The following GAGE1 variants were observed in gnomAD, a reference collection of about 807,000 sequenced individuals.
GAGE1 encodes G antigen 1, also known as G antigen 4.
Under a neutral mutation model 5.0 loss-of-function variants are expected in GAGE1, and 5 were observed. The ratio of observed to expected loss-of-function variants is 1.00; its 90% CI spans 0.52 to 2.11. GAGE1 has a LOEUF of 2.11. Among genes scored for constraint, GAGE1 ranks in the 30% most tolerant of loss-of-function variants. The probability of loss-of-function intolerance (pLI) is 0.01; values close to 1 mark genes in which losing one functional copy is unlikely to be tolerated. For synonymous variants in GAGE1, 6 were observed against 14.8 expected (o/e 0.40, Z 1.37); for missense variants, 9 against 38.9 (o/e 0.23, Z 2.04).
At chrX:49,605,232 C>G (rs1273145668) in intron 4 of GAGE1, 2 of 691,009 alleles carry the variant, frequency 2.9e-6, no homozygotes, top group African/African-American at 2.1e-5. Context: ...GCCACTATTT[C>G]TAATAAGACT....
chrX:49,604,195 C>T (rs1192740842), intron 4 of GAGE1, among the ~76,000 whole-genome samples: 1 of 112,531 alleles, frequency 8.9e-6, no homozygotes, highest in African/African-American at 3.2e-5. Context: ...AATACTGCCT[C>T]TTTAGTAAAG....
chrX:49,602,172 T>C (rs3059709), intron 3 of GAGE1, among the ~76,000 whole-genome samples: 20 of 112,045 alleles, frequency 1.8e-4, no homozygotes, highest in African/African-American at 5.5e-4. Flanking sequence ...GATAAATAAA[T>C]ACATAAATAA....
Position 49,606,920 on chromosome X carries a change from T to C in GAGE1, c.*905T>C, listed in dbSNP as rs2066662693. The C allele has an allele frequency of 8.9e-6, 1 of 111,762 alleles. No individual in the cohort carries two copies. The highest frequency in any genetic ancestry group is 9.5e-5 in the Admixed American group (1 of 10,483). The allele number at this position is 111,762 out of a possible 1,213,427, so 9.2% of individuals were successfully genotyped here. ...ATCATCTATTGTGATTACCACAGGGTTTTTTCCCCCAGTAATCTGTTTATG... is the reference window on the plus strand; with the variant it reads ...ATCATCTATTGTGATTACCACAGGGCTTTTTCCCCCAGTAATCTGTTTATG... On this transcript the variant is annotated 3_prime_UTR_variant, in exon 5 of 5. Transcript: ENST00000381700.
intron 4 of GAGE1, among the ~76,000 whole-genome samples, chrX:49,604,179 G>A (rs1312956476): frequency 8.9e-6 from 1 of 112,667 alleles, no homozygotes; most frequent in East Asian, 2.8e-4. Context: ...GTAAGAGAGA[G>A]TTAACAATAC....
intron 4 of GAGE1, among the ~76,000 whole-genome samples, chrX:49,604,557 A>G (rs1219812043): frequency 9.8e-5 from 11 of 111,881 alleles, no homozygotes; most frequent in African/African-American, 3.3e-4. Flanking sequence ...TTTTAAAACC[A>G]TTTTCCATTC....
chrX:49,606,755 C>A lies in GAGE1; in HGVS notation c.*740C>A, dbSNP rs2066661930. ...TATGTTGAATTTCATCAAACACTGA[C>A]CTGAGTCATCTTAAAACATGTGAAT... is the stretch of plus-strand genomic sequence containing the variant. On this transcript the variant is annotated 3_prime_UTR_variant, in exon 5 of 5. Coordinates refer to ENST00000381700, the MANE Select transcript of GAGE1 (RefSeq NM_001040663.4). The A allele has an allele frequency of 8.9e-6, 1 of 111,871 alleles. No homozygotes were observed. The highest frequency in any genetic ancestry group is 1.9e-5 in the Non-Finnish European group (1 of 53,235). The allele number at this position is 111,871 out of a possible 1,213,427, so 9.2% of individuals were successfully genotyped here.
At chrX:49,604,336 G>T (rs1472882770) in intron 4 of GAGE1, among the ~76,000 whole-genome samples, 2 of 112,390 alleles carry the variant, frequency 1.8e-5, no homozygotes, top group Non-Finnish European at 3.8e-5. Flanking sequence ...CCTCAAACCA[G>T]TAGCTCATAA....
chrX:49,605,707 T>C (rs2066653514), intron 4 of GAGE1, among the ~76,000 whole-genome samples: 1 of 110,844 alleles, frequency 9.0e-6, no homozygotes, highest in South Asian at 3.8e-4. Flanking sequence ...TCAGGAATTG[T>C]ATACCATCGT....
intron 4 of GAGE1, chrX:49,605,239 G>T (rs1305168436): frequency 7.3e-6 from 5 of 682,512 alleles, no homozygotes; most frequent in South Asian, 3.0e-5. Context: ...TTTCTAATAA[G>T]ACTGTAGACA....
chrX:49,604,715 G>C (rs1486308089), intron 4 of GAGE1, among the ~76,000 whole-genome samples: 2 of 112,328 alleles, frequency 1.8e-5, no homozygotes, highest in Non-Finnish European at 3.8e-5. Context: ...TAGTAAGAAA[G>C]TGAGGGGGCA....
rs1310832240 is a variant in GAGE1 at position 49,606,522 on chromosome X, C to G, written c.*507C>G. On this transcript the variant is annotated 3_prime_UTR_variant, in exon 5 of 5. Transcript: ENST00000381700. ...TGGTCCTGTTTTTGCCATTTTAAAC[C>G]CTTTTATTTCCTTTTCTGATTTTAT... 9.0e-6 allele frequency: 1 copy of G among 111,541 alleles called. No individual in the cohort carries two copies. The highest frequency in any genetic ancestry group is 3.3e-5 in the African/African-American group (1 of 30,685). 9.2% of individuals were successfully genotyped at this position (111,541 alleles called of 1,213,427 possible).
intron 4 of GAGE1, chrX:49,605,015 G>A (rs782230873): frequency 9.9e-7 from 1 of 1,011,794 alleles, no homozygotes; most frequent in Non-Finnish European, 1.3e-6. Context: ...GTCTCACTAT[G>A]TTGCCCAGAC....
chrX:49,605,536 A>G (rs1410295660), intron 4 of GAGE1, among the ~76,000 whole-genome samples: 1 of 112,074 alleles, frequency 8.9e-6, no homozygotes, highest in Non-Finnish European at 1.9e-5. Flanking sequence ...ACGACAGAGG[A>G]TCACCTTAGC....
In GAGE1 at chrX:49,606,514, T is replaced by A. The variant is rs1274919407; in HGVS notation, c.*499T>A. ...CACCGTGCTGGTCCTGTTTTTGCCATTTTAAACCCTTTTATTTCCTTTTCT... is the reference window on the plus strand; with the variant it reads ...CACCGTGCTGGTCCTGTTTTTGCCAATTTAAACCCTTTTATTTCCTTTTCT... On this transcript the variant is annotated 3_prime_UTR_variant, in exon 5 of 5. Transcript: ENST00000381700. 8.9e-6 allele frequency: 1 copy of A among 112,081 alleles called. No homozygotes were observed. Among genetic ancestry groups the A allele is most frequent in the Non-Finnish European group, 1.9e-5 (1 of 53,273 alleles). 9.2% of individuals were successfully genotyped at this position (112,081 alleles called of 1,213,427 possible).
chrX:49,604,735 A>T (rs1404428970), intron 4 of GAGE1, among the ~76,000 whole-genome samples: 1 of 112,150 alleles, frequency 8.9e-6, no homozygotes, highest in Non-Finnish European at 1.9e-5. Flanking sequence ...ACTCTGCTTC[A>T]TCCTAGTTTT....
At chrX:49,605,917 T>A (rs2066655785) in intron 4 of GAGE1, 76 bp from the exon 5 acceptor site, 1 of 444,196 alleles carries the variant, frequency 2.3e-6, no homozygotes, top group Non-Finnish European at 3.2e-6. Flanking sequence ...AAAATAATAA[T>A]AATAATAATA....
In GAGE1 at chrX:49,607,653, G is replaced by GCTAT. The variant is rs1343483350; in HGVS notation, c.*1641_*1644dup. On this transcript the variant is annotated 3_prime_UTR_variant, in exon 5 of 5. Transcript: ENST00000381700. ...CTGAAGATGCCTCTTCAATTTGAAA[G>GCTAT]CTATCTGTTCCTGTTTCTCTGCTGA... The GCTAT allele has an allele frequency of 9.0e-6, 1 of 111,108 alleles. No individual in the cohort carries two copies. Among genetic ancestry groups the GCTAT allele is most frequent in the Non-Finnish European group, 1.9e-5 (1 of 53,130 alleles). The allele number at this position is 111,108 out of a possible 1,213,427, so 9.2% of individuals were successfully genotyped here.
At chrX:49,603,854 A>T (rs1290472976) in intron 4 of GAGE1, 61 bp downstream of exon 4, 1 of 907,052 alleles carries the variant, frequency 1.1e-6, no homozygotes, top group African/African-American at 1.9e-5. Context: ...TCATATTGTA[A>T]GTCTTACTAT....
At chrX:49,604,206 A>T (rs1226260789) in intron 4 of GAGE1, among the ~76,000 whole-genome samples, 1 of 112,515 alleles carries the variant, frequency 8.9e-6, no homozygotes, top group African/African-American at 3.2e-5. Context: ...TTTAGTAAAG[A>T]GTTCTTATAT....
Sources: allele counts gnomAD v4.1 joint callset (sites outside exome capture counted in the v4.1 genomes callset), GRCh38; gene constraint gnomAD v4.1.1; transcripts MANE v1.5; gene names NCBI Gene and HGNC (gene_info 2026-07-23, HGNC 2026-07-21).